Variants in NMNAT2 observed in about 807,000 individuals in gnomAD.
NMNAT2 encodes the protein nicotinamide/nicotinic acid mononucleotide adenylyltransferase 2.
In NMNAT2, 11 loss-of-function variants were observed where a neutral mutation model predicts 41.6. That is an observed-to-expected ratio of 0.26 (90% CI 0.17 to 0.44). The LOEUF (loss-of-function observed/expected upper bound fraction) is 0.44, where lower values mean the gene tolerates loss of function less well. Ranked by LOEUF, NMNAT2 falls within the 20% of genes least tolerant of loss-of-function variation. NMNAT2 has a pLI of 1.00. For synonymous variants in NMNAT2, 148 were observed against 151.2 expected (o/e 0.98, Z 0.16); for missense variants, 288 against 407.7 (o/e 0.71, Z 2.53).
At chr1:183,328,886 G>A (rs188102198) in intron 1 of NMNAT2, among the ~76,000 whole-genome samples, 9 of 152,334 alleles carry the variant, frequency 5.9e-5, no homozygotes, top group Admixed American at 2.0e-4. Flanking sequence ...TATTTGGATT[G>A]CAGGAGAGAG....
intron 1 of NMNAT2, among the ~76,000 whole-genome samples, chr1:183,407,714 G>A (rs1192294152): frequency 4.6e-5 from 7 of 152,166 alleles, no homozygotes; most frequent in East Asian, 1.9e-4. Flanking sequence ...TGCTATCAAC[G>A]TTCAGAGGGA....
intron 1 of NMNAT2, among the ~76,000 whole-genome samples, chr1:183,302,243 C>T (rs551000608): frequency 6.6e-6 from 1 of 152,326 alleles, no homozygotes; most frequent in South Asian, 2.1e-4. Flanking sequence ...ACACAATTCA[C>T]ATCTCCAAGG....
intron 3 of NMNAT2, among the ~76,000 whole-genome samples, chr1:183,291,836 T>C (rs1255561296): frequency 2.0e-5 from 3 of 152,222 alleles, no homozygotes; most frequent in Non-Finnish European, 4.4e-5. Flanking sequence ...AGCAGCTGTC[T>C]CTCTACCTAA....
chr1:183,289,767 A>G (rs1661490551), intron 4 of NMNAT2, among the ~76,000 whole-genome samples: 1 of 152,106 alleles, frequency 6.6e-6, no homozygotes, highest in Admixed American at 6.5e-5. Context: ...TTCATTGTCC[A>G]GTTTCCTCCT....
chr1:183,345,781 G>A (rs1470044513), intron 1 of NMNAT2, among the ~76,000 whole-genome samples: 9 of 151,898 alleles, frequency 5.9e-5, no homozygotes, highest in Non-Finnish European at 1.0e-4. Context: ...CCGCCTCCCG[G>A]GTTCACGCCA....
Position 183,418,321 on chromosome 1 carries a change from C to A in NMNAT2, c.-54G>T. On this transcript the variant is annotated 5_prime_UTR_variant, in exon 1 of 11. Transcript: ENST00000287713. ...AGGGGTTGCCTCTCTTTTTGTGTCT[C>A]GTTGTGTCTGCAGAGGGAGAAAGGA... is the stretch of plus-strand genomic sequence containing the variant. 1 of 1,539,796 alleles carries A rather than the reference C, an allele frequency of 6.5e-7. No individual in the cohort carries two copies. Among genetic ancestry groups the A allele is most frequent in the Non-Finnish European group, 9.0e-7 (1 of 1,113,012 alleles).
At chr1:183,374,483 C>A (rs1663630134) in intron 1 of NMNAT2, among the ~76,000 whole-genome samples, 1 of 152,192 alleles carries the variant, frequency 6.6e-6, no homozygotes, top group Non-Finnish European at 1.5e-5. Context: ...TGATTCACAT[C>A]TGAGCTTCAG....
At chr1:183,418,069 G>C (rs1571649839) in intron 1 of NMNAT2, 114 bp downstream of exon 1, 4 of 963,506 alleles carry the variant, frequency 4.2e-6, no homozygotes, top group South Asian at 1.5e-5. Context: ...TGGATGAGCC[G>C]GCCCACCCCT....
chr1:183,303,362 G>T (rs954113497), intron 1 of NMNAT2, among the ~76,000 whole-genome samples: 2 of 152,174 alleles, frequency 1.3e-5, no homozygotes, highest in Non-Finnish European at 2.9e-5. Flanking sequence ...GCAGTGTTAG[G>T]CACTTGGGTC....
chr1:183,406,866 TG>T (rs1365577845), intron 1 of NMNAT2, among the ~76,000 whole-genome samples: 1 of 140,920 alleles, frequency 7.1e-6, no homozygotes, highest in Non-Finnish European at 1.5e-5. Context: ...TTACCCAGGC[TG>T]GAGTGCAGTG....
At chr1:183,384,311 T>A (rs1381535690) in intron 1 of NMNAT2, among the ~76,000 whole-genome samples, 1 of 152,210 alleles carries the variant, frequency 6.6e-6, no homozygotes, top group African/African-American at 2.4e-5. Flanking sequence ...GTGATTCTCC[T>A]GCCTCAGCCT....
At position 183,250,743 on chromosome 1, in the gene NMNAT2, T is replaced by A. The variant is rs1175083288; in HGVS notation, c.*1898A>T. On this transcript the variant is annotated 3_prime_UTR_variant, in exon 11 of 11. Coordinates refer to ENST00000287713, the MANE Select transcript of NMNAT2 (RefSeq NM_015039.4). Reference sequence around the variant, plus strand: ...TACCCCAAAATAGGATTTTCCTTCCTTCCTCTGAAGATTATTTCAAAAAAT... The same window carrying A: ...TACCCCAAAATAGGATTTTCCTTCCATCCTCTGAAGATTATTTCAAAAAAT... 1.3e-5 allele frequency: 2 copies of A among 152,642 alleles called. No individual in the cohort carries two copies. The highest frequency in any genetic ancestry group is 3.8e-4 in the East Asian group (2 of 5,200). The allele number at this position is 152,642 out of a possible 1,614,324, so 9.5% of individuals were successfully genotyped here.
intron 7 of NMNAT2, among the ~76,000 whole-genome samples, chr1:183,281,676 A>T (rs1661273978): frequency 6.6e-6 from 1 of 152,180 alleles, no homozygotes; most frequent in Non-Finnish European, 1.5e-5. Flanking sequence ...GACTTCTCCC[A>T]GTTTGTCCTA....
intron 8 of NMNAT2, among the ~76,000 whole-genome samples, chr1:183,270,065 T>C (rs1660944449): frequency 6.6e-6 from 1 of 152,134 alleles, no homozygotes; most frequent in Non-Finnish European, 1.5e-5. Context: ...TTTGTATTTT[T>C]AGTAGAGACG....
intron 1 of NMNAT2, among the ~76,000 whole-genome samples, chr1:183,385,138 G>T (rs1033895082): frequency 2.6e-5 from 4 of 152,086 alleles, no homozygotes; most frequent in Non-Finnish European, 4.4e-5. Flanking sequence ...GGTGTTTCAG[G>T]TTGCAGTGAG....
intron 1 of NMNAT2, among the ~76,000 whole-genome samples, chr1:183,339,330 C>T (rs949882421): frequency 2.0e-5 from 3 of 152,134 alleles, no homozygotes; most frequent in African/African-American, 7.2e-5. Flanking sequence ...ATCTCCTGAC[C>T]TCATGATCTG....
intron 1 of NMNAT2, among the ~76,000 whole-genome samples, chr1:183,407,646 A>C (rs1289841594): frequency 6.6e-6 from 1 of 152,232 alleles, no homozygotes; most frequent in Non-Finnish European, 1.5e-5. Flanking sequence ...GCATGGACAG[A>C]AATAACTACA....
intron 1 of NMNAT2, among the ~76,000 whole-genome samples, chr1:183,389,812 GAAAGAAAGAA>G (rs1648402790): frequency 4.9e-5 from 3 of 60,678 alleles, no homozygotes; most frequent in African/African-American, 1.7e-4. Flanking sequence ...AAGAAAGAAA[GAAAGAAAGAA>G]AGAAAGAAAG....
intron 1 of NMNAT2, among the ~76,000 whole-genome samples, chr1:183,414,583 G>A (rs1649205549): frequency 6.6e-6 from 1 of 152,140 alleles, no homozygotes; most frequent in Non-Finnish European, 1.5e-5. Context: ...TCATTTATGA[G>A]TTTACTTTGC....
Sources: allele counts gnomAD v4.1 joint callset (sites outside exome capture counted in the v4.1 genomes callset), GRCh38; gene constraint gnomAD v4.1.1; transcripts MANE v1.5; gene names NCBI Gene and HGNC (gene_info 2026-07-23, HGNC 2026-07-21).